Variants in RFX3 observed in about 807,000 individuals in gnomAD.
The protein encoded by RFX3 is regulatory factor X3, also known as transcription factor RFX3.
RFX3 carries 14 observed loss-of-function variants against 98.6 expected under a neutral mutation model. The observed-to-expected ratio is 0.14, with a 90% CI of 0.09 to 0.22. The LOEUF (loss-of-function observed/expected upper bound fraction) is 0.22, where lower values mean the gene tolerates loss of function less well. Ranked by LOEUF, RFX3 falls within the 10% of genes least tolerant of loss-of-function variation. The pLI is 1.00. For synonymous variants in RFX3, 383 were observed against 328.4 expected, an observed-to-expected ratio of 1.17 and a Z score of -1.80; for missense variants, 639 against 926.9, an observed-to-expected ratio of 0.69 and a Z score of 4.03.
At chr9:3,258,736 C>T (rs894605014) in intron 13 of RFX3, among the ~76,000 whole-genome samples, 1 of 151,786 alleles carries the variant, frequency 6.6e-6, no homozygotes, top group Non-Finnish European at 1.5e-5. Context: ...TAAGAAATTA[C>T]AGCATATTGA....
At chr9:3,520,178 GC>G (rs1818567425) in intron 1 of RFX3, among the ~76,000 whole-genome samples, 1 of 152,132 alleles carries the variant, frequency 6.6e-6, no homozygotes. Context: ...AAAGAAAAAT[GC>G]CTAACCTATT....
chr9:3,357,387 T>G (rs1252100383), intron 2 of RFX3, among the ~76,000 whole-genome samples: 1 of 152,008 alleles, frequency 6.6e-6, no homozygotes, highest in Non-Finnish European at 1.5e-5. Context: ...AATTAAAAAT[T>G]TAGAGTCTCT....
chr9:3,224,542 GT>G lies in RFX3; in HGVS notation c.*499del, dbSNP rs1817562672. On this transcript the variant is annotated 3_prime_UTR_variant, in exon 17 of 17. Coordinates refer to ENST00000617270, the MANE Select transcript of RFX3 (RefSeq NM_001282116.2). ...CCATACTCAAAATGTTATCAAAATA[GT>G]GTCTTATGGTTCTGTCCAATGAAAA... The G allele has an allele frequency of 6.4e-6, 1 of 155,576 alleles. No individual in the cohort carries two copies. The highest frequency in any genetic ancestry group is 6.2e-5 in the Admixed American group (1 of 16,028). 9.6% of individuals were successfully genotyped at this position (155,576 alleles called of 1,614,324 possible). A position where few individuals can be genotyped will look rare whatever the true frequency, so the allele number is the denominator to read the frequency against.
intron 2 of RFX3, among the ~76,000 whole-genome samples, chr9:3,355,403 C>G (rs555014232): frequency 6.6e-6 from 1 of 151,808 alleles, no homozygotes; most frequent in Non-Finnish European, 1.5e-5. Context: ...AAAAAATGGA[C>G]TGGCTATATT....
In RFX3 at chr9:3,222,964, C is replaced by CTGAGGCA. The variant is rs1021566759; in HGVS notation, c.*2071_*2077dup. 3 of 152,028 alleles carry CTGAGGCA rather than the reference C, an allele frequency of 2.0e-5. No individual in the cohort carries two copies. Among genetic ancestry groups the CTGAGGCA allele is most frequent in the African/African-American group, 7.2e-5 (3 of 41,398 alleles). The allele number at this position is 152,028 out of a possible 1,614,324, so 9.4% of individuals were successfully genotyped here. A position where few individuals can be genotyped will look rare whatever the true frequency, so the allele number is the denominator to read the frequency against. On this transcript the variant is annotated 3_prime_UTR_variant, in exon 17 of 17. Coordinates refer to ENST00000617270, the MANE Select transcript of RFX3 (RefSeq NM_001282116.2). ...ATGTTGTTGATGTTATTTGAGTAGT[C>CTGAGGCA]TGAGGCAATTAAGCAACAACAGCTT...
At chr9:3,470,308 T>A (rs1848659953) in intron 1 of RFX3, among the ~76,000 whole-genome samples, 1 of 151,782 alleles carries the variant, frequency 6.6e-6, no homozygotes, top group African/African-American at 2.4e-5. Flanking sequence ...CTTTTCTTTT[T>A]TTCTTTTTCC....
chr9:3,465,758 C>A (rs1478799300), intron 1 of RFX3, among the ~76,000 whole-genome samples: 2 of 151,504 alleles, frequency 1.3e-5, no homozygotes, highest in Non-Finnish European at 2.9e-5. Context: ...ATACAAGATA[C>A]TATATATCTC....
intron 3 of RFX3, among the ~76,000 whole-genome samples, chr9:3,341,320 G>T (rs1257789596): frequency 4.6e-5 from 7 of 151,654 alleles, no homozygotes; most frequent in Non-Finnish European, 8.8e-5. Context: ...CGAGTTAATG[G>T]GTGCAGCACA....
chr9:3,461,245 A>G (rs1040871927), intron 1 of RFX3, among the ~76,000 whole-genome samples: 1 of 151,926 alleles, frequency 6.6e-6, no homozygotes, highest in African/African-American at 2.4e-5. Flanking sequence ...ATTGGGTTTC[A>G]TGTTTGCCAC....
At chr9:3,431,143 C>T (rs1844621506) in intron 1 of RFX3, among the ~76,000 whole-genome samples, 1 of 152,158 alleles carries the variant, frequency 6.6e-6, no homozygotes, top group South Asian at 2.1e-4. Flanking sequence ...ACTATCTACC[C>T]TGTGATGCTA....
intron 15 of RFX3, among the ~76,000 whole-genome samples, chr9:3,242,344 C>A (rs531392560): frequency 3.3e-5 from 5 of 151,340 alleles, no homozygotes; most frequent in African/African-American, 7.3e-5. Flanking sequence ...AAATAACAAT[C>A]AACAGTATAA....
At chr9:3,270,215 T>A (rs564535144) in intron 11 of RFX3, among the ~76,000 whole-genome samples, 156 bp downstream of exon 11, 61 of 152,338 alleles carry the variant, frequency 4.0e-4, no homozygotes, top group African/African-American at 1.5e-3. Flanking sequence ...AGTTTTGCTC[T>A]AGGCTGCTTT....
At chr9:3,470,383 T>C (rs1848671536) in intron 1 of RFX3, among the ~76,000 whole-genome samples, 1 of 151,494 alleles carries the variant, frequency 6.6e-6, no homozygotes, top group African/African-American at 2.4e-5. Flanking sequence ...GGTGCGATCT[T>C]GACTCACTAC....
intron 2 of RFX3, among the ~76,000 whole-genome samples, chr9:3,377,518 C>T (rs1367457311): frequency 6.6e-6 from 1 of 152,120 alleles, no homozygotes; most frequent in African/African-American, 2.4e-5. Context: ...AGCACACCAA[C>T]ATGGGACATG....
chr9:3,520,815 C>T (rs1166454647), intron 1 of RFX3, among the ~76,000 whole-genome samples: 2 of 152,172 alleles, frequency 1.3e-5, no homozygotes, highest in African/African-American at 4.8e-5. Flanking sequence ...GCTTGAACTA[C>T]AGGCACGCAC....
At chr9:3,376,101 C>T (rs1838457036) in intron 2 of RFX3, among the ~76,000 whole-genome samples, 1 of 152,120 alleles carries the variant, frequency 6.6e-6, no homozygotes, top group Non-Finnish European at 1.5e-5. Context: ...TATTATTAGT[C>T]ATCAGAGAAA....
chr9:3,392,648 TG>T (rs988552844), intron 2 of RFX3, among the ~76,000 whole-genome samples: 119 of 152,100 alleles, frequency 7.8e-4, no homozygotes, highest in African/African-American at 2.6e-3. Context: ...GTACAGTATT[TG>T]AAAATAGGCC....
At chr9:3,389,727 A>G (rs1840087946) in intron 2 of RFX3, among the ~76,000 whole-genome samples, 1 of 152,146 alleles carries the variant, frequency 6.6e-6, no homozygotes, top group Non-Finnish European at 1.5e-5. Flanking sequence ...GGCTATGTGT[A>G]TAAGGTATAT....
rs569575105 is a variant in RFX3, at chr9:3,483,558, G to A, written c.-9+42189C>T. On this transcript the variant is annotated intron_variant, in intron 1 of 16. Transcript: ENST00000617270. ...CTACCTAAGACAGGCCATAGTGGCC[G>A]GGCTCTGTTATACTTAGGGGAACTC... Among the ~76,000 whole-genome samples the A allele has an allele frequency of 2.6e-5, 4 of 152,184 alleles. No homozygotes were observed. The East Asian group carries it at 5.8e-4, about 22-fold the overall frequency.
Sources: gnomAD v4.1 joint callset for allele counts (sites outside exome capture counted in the v4.1 genomes callset) on GRCh38, gnomAD v4.1.1 for gene constraint, MANE v1.5 for transcripts, NCBI Gene and HGNC (gene_info 2026-07-23, HGNC 2026-07-21) for gene names.